The following ACSBG2 variants were observed in gnomAD, a reference collection of about 807,000 sequenced individuals.
ACSBG2 encodes the protein long-chain-fatty-acid--CoA ligase ACSBG2.
A neutral mutation model predicts 74.7 loss-of-function variants in ACSBG2; 62 were observed. The observed-to-expected ratio is 0.83, with a 90% confidence interval of 0.68 to 1.03. The LOEUF (loss-of-function observed/expected upper bound fraction) is 1.03. Among genes scored for constraint, ACSBG2 ranks in the 50% least tolerant of loss-of-function variants. The pLI is 0.00. For missense variants in ACSBG2, 730 were observed against 817.6 expected (o/e 0.89, Z 1.31); for synonymous variants, 309 against 294.1 (o/e 1.05, Z -0.52).
chr19:6,183,213 G>A lies in ACSBG2; in HGVS notation c.1263G>A (p.Gly421=), dbSNP rs1185495306. The A allele has an allele frequency of 6.2e-7, 1 of 1,614,176 alleles. No homozygotes were observed. Among genetic ancestry groups the A allele is most frequent in the East Asian group, 2.2e-5 (1 of 44,872 alleles). The change falls in exon 10 of 15, where the codon GGG becomes GGA. Residue 421 remains glycine, a synonymous_variant. Coordinates refer to ENST00000588485, the MANE Select transcript of ACSBG2 (RefSeq NM_030924.5). ...SLDIPIGELY[G]LSESSGPHTI... is the part of the protein sequence containing the mutation. ...ACATACCTATAGGCGAGTTGTATGGGTTGAGTGAGAGCTCGGGACCCCACA... is the reference window on the plus strand; with the variant it reads ...ACATACCTATAGGCGAGTTGTATGGATTGAGTGAGAGCTCGGGACCCCACA...
chr19:6,142,519 G>A (rs958737706), intron 2 of ACSBG2, among the ~76,000 whole-genome samples: 13 of 152,024 alleles, frequency 8.6e-5, no homozygotes, highest in African/African-American at 3.1e-4. Context: ...GTGGGAGGCC[G>A]AGACAGGCGG....
intron 1 of ACSBG2, among the ~76,000 whole-genome samples, 178 bp downstream of exon 1, chr19:6,136,087 C>A (rs1454520124): frequency 6.6e-6 from 1 of 151,816 alleles, no homozygotes; most frequent in Admixed American, 6.6e-5. Context: ...ATTACAGGCG[C>A]CTGCCACCAT....
At chr19:6,156,626 T>C in intron 5 of ACSBG2, 75 bp downstream of exon 5, 1 of 1,418,544 alleles carries the variant, frequency 7.0e-7, no homozygotes, top group Non-Finnish European at 9.3e-7. Context: ...GTTCTTTTTT[T>C]CCCAGGTAAA....
chr19:6,165,396 C>T (rs75504122), intron 6 of ACSBG2, among the ~76,000 whole-genome samples: 4,807 of 152,244 alleles, frequency 0.032, 143 homozygotes, highest in African/African-American at 0.079. Flanking sequence ...GCTGATAGAA[C>T]AGTTTGAGCC....
chr19:6,176,087 C>G (rs1408529261), intron 7 of ACSBG2: 6 of 335,482 alleles, frequency 1.8e-5, no homozygotes, highest in Non-Finnish European at 2.7e-5. Context: ...AATTTTGCAA[C>G]TCCTCCTAAC....
intron 8 of ACSBG2, among the ~76,000 whole-genome samples, chr19:6,181,821 C>CCCCCCG (rs1441586477): frequency 4.5e-4 from 55 of 122,820 alleles, no homozygotes; most frequent in African/African-American, 1.7e-3. Context: ...CCGCCCCCCC[C>CCCCCCG]CCCAACGAAA....
chr19:6,189,122 T>A (rs1205180427), intron 13 of ACSBG2, among the ~76,000 whole-genome samples: 4 of 152,076 alleles, frequency 2.6e-5, no homozygotes. Flanking sequence ...TGATTTTAGT[T>A]TGTCCCCCTC....
intron 6 of ACSBG2, among the ~76,000 whole-genome samples, chr19:6,163,657 C>T (rs1371383820): frequency 6.6e-6 from 1 of 151,782 alleles, no homozygotes; most frequent in East Asian, 1.9e-4. Context: ...AGGAGAATCA[C>T]TTGATCCCAA....
At position 6,147,550 on chromosome 19, in the gene ACSBG2, C is replaced by T. The variant is rs570663483; in HGVS notation, c.172C>T (p.Arg58Ter). The T allele has an allele frequency of 1.6e-4, 257 of 1,614,100 alleles. 4 individuals carry two copies. The South Asian group carries it at 2.2e-3, about 14-fold the overall frequency. Residue 58 changes from arginine to a stop codon, truncating the protein, a stop_gained, in exon 3 of 15, where the codon CGA (arginine) becomes TGA (stop). Transcript: ENST00000588485. LOFTEE classifies it high-confidence loss of function. ...ETPMTIPEFFRESVNRFGTYP... is the reference protein window; with the variant it reads ...ETPMTIPEFF ...CCCGATGACCATCCCTGAATTTTTTCGAGAGTCAGTCAACCGATTTGGAAC... is the reference window on the plus strand; with the variant it reads ...CCCGATGACCATCCCTGAATTTTTTTGAGAGTCAGTCAACCGATTTGGAAC...
At chr19:6,165,799 G>T in intron 6 of ACSBG2, 67 bp from the exon 7 acceptor site, 2 of 1,581,030 alleles carry the variant, frequency 1.3e-6, no homozygotes, top group Non-Finnish European at 8.6e-7. Context: ...CTGATAGGAC[G>T]AGGTCTGGCT....
At chr19:6,175,912 A>G (rs1187576920) in intron 7 of ACSBG2, 1 of 155,090 alleles carries the variant, frequency 6.4e-6, no homozygotes, top group Non-Finnish European at 1.4e-5. Flanking sequence ...CACTTTAAAG[A>G]AGAGGCAATA....
intron 1 of ACSBG2, among the ~76,000 whole-genome samples, chr19:6,137,920 C>T (rs2088646892): frequency 6.6e-6 from 1 of 152,192 alleles, no homozygotes; most frequent in Non-Finnish European, 1.5e-5. Context: ...TCCCAAAGCA[C>T]TGGGATTACA....
Position 6,165,818 on chromosome 19 carries a change from G to A in ACSBG2, c.589-48G>A, listed in dbSNP as rs147756613. Reference sequence around the variant, plus strand: ...TAGGACGAGGTCTGGCTGGGTGAGAGGACTCCCGACTGCCTTCTCATCCTC... The same window carrying A: ...TAGGACGAGGTCTGGCTGGGTGAGAAGACTCCCGACTGCCTTCTCATCCTC... On this transcript the variant is annotated intron_variant, in intron 6 of 14. Transcript: ENST00000588485. The A allele has an allele frequency of 9.8e-3, 15,782 of 1,607,004 alleles. 106 individuals are homozygous for A. Among genetic ancestry groups the A allele is most frequent in the Middle Eastern group, 0.018 (106 of 6,026 alleles).
In ACSBG2 at chr19:6,152,965, C is replaced by T. The variant is rs149905834; in HGVS notation, c.386+1170C>T. On this transcript the variant is annotated intron_variant, in intron 4 of 14. Coordinates refer to ENST00000588485, the MANE Select transcript of ACSBG2 (RefSeq NM_030924.5). ...TATGCTTAAAATTTAAATATCAGGC[C>T]GGGTGTGGTGGCTCACGCCTGTAAT... 6.8e-3 allele frequency among the ~76,000 whole-genome samples: 1,040 copies of T among 152,246 alleles called. 15 individuals carry two copies. Among genetic ancestry groups the T allele is most frequent in the African/African-American group, 0.024 (989 of 41,550 alleles).
chr19:6,141,643 A>G lies in ACSBG2; in HGVS notation c.67+33A>G, dbSNP rs755491646. On this transcript the variant is annotated intron_variant, in intron 2 of 14. Coordinates refer to ENST00000588485, the MANE Select transcript of ACSBG2 (RefSeq NM_030924.5). ...GCACTAAAGAGTACGTGGGAGAGAG[A>G]GTGGCACATTGATTCCACAAAGGCT... 2.2e-5 allele frequency: 30 copies of G among 1,339,786 alleles called. No individual in the cohort carries two copies. The East Asian group carries it at 4.6e-4, about 21-fold the overall frequency. 83.0% of individuals were successfully genotyped at this position (1,339,786 alleles called of 1,614,324 possible). A position where few individuals can be genotyped will look rare whatever the true frequency, so the allele number is the denominator to read the frequency against.
At chr19:6,156,940 T>C (rs1420672683) in intron 5 of ACSBG2, among the ~76,000 whole-genome samples, 2 of 150,450 alleles carry the variant, frequency 1.3e-5, no homozygotes, top group African/African-American at 5.0e-5. Flanking sequence ...TGTACCACCA[T>C]GTCAGGCTAA....
chr19:6,148,132 C>A lies in ACSBG2; in HGVS notation c.297+457C>A, dbSNP rs533987988. On this transcript the variant is annotated intron_variant, in intron 3 of 14. Transcript: ENST00000588485. The stretch of plus-strand genomic sequence containing the variant: ...CTACTTTGAAATTGGGTTCTTCTGG[C>A]TCCAGGTCTCTCATGAGGTTGCAGC... 35 of 182,002 alleles carry A rather than the reference C, an allele frequency of 1.9e-4. 1 individual carries two copies. The highest frequency in any genetic ancestry group is 7.4e-4 in the African/African-American group (31 of 41,790). 11.3% of individuals were successfully genotyped at this position (182,002 alleles called of 1,614,324 possible). A position where few individuals can be genotyped will look rare whatever the true frequency, so the allele number is the denominator to read the frequency against.
At chr19:6,166,676 C>G (rs559259323) in intron 7 of ACSBG2, among the ~76,000 whole-genome samples, 2 of 152,118 alleles carry the variant, frequency 1.3e-5, no homozygotes, top group Non-Finnish European at 2.9e-5. Context: ...GAGTCTGGCT[C>G]TGTGCCCCAG....
intron 7 of ACSBG2, among the ~76,000 whole-genome samples, chr19:6,167,690 C>T (rs1404355940): frequency 3.3e-5 from 5 of 152,172 alleles, no homozygotes; most frequent in Non-Finnish European, 7.3e-5. Flanking sequence ...AGCAATATCA[C>T]GGGCCCAGGA....
Sources: gnomAD v4.1 joint callset for allele counts (sites outside exome capture counted in the v4.1 genomes callset) on GRCh38, gnomAD v4.1.1 for gene constraint, MANE v1.5 for transcripts, NCBI Gene and HGNC (gene_info 2026-07-23, HGNC 2026-07-21) for gene names.